Variants in CCDC192 observed in about 807,000 individuals in gnomAD.
CCDC192 encodes the protein coiled-coil domain-containing protein 192.
At chr5:127,706,525 GA>G (rs1224118510) in intron 1 of CCDC192, among the ~76,000 whole-genome samples, 1,049 of 60,256 alleles carry the variant, frequency 0.017, 9 homozygotes, top group African/African-American at 0.065. Flanking sequence ...CTCCATCTCA[GA>G]AAAAAAAAAA....
intron 5 of CCDC192, among the ~76,000 whole-genome samples, chr5:127,840,892 G>A (rs532374046): frequency 1.3e-5 from 2 of 152,310 alleles, no homozygotes; most frequent in South Asian, 4.1e-4. Flanking sequence ...TAAGTTTGAT[G>A]AATGTAAAAG....
At chr5:127,810,818 C>A (rs746055739) in intron 5 of CCDC192, among the ~76,000 whole-genome samples, 22 of 152,206 alleles carry the variant, frequency 1.4e-4, no homozygotes, top group Non-Finnish European at 2.9e-4. Context: ...GCAGAAAGTT[C>A]AGTTTCGGTC....
intron 6 of CCDC192, among the ~76,000 whole-genome samples, chr5:127,914,859 T>A (rs1753472431): frequency 6.6e-6 from 1 of 152,196 alleles, no homozygotes; most frequent in South Asian, 2.1e-4. Context: ...AGAAAGTTTA[T>A]GTAACTCTGC....
At chr5:127,794,103 T>TC (rs887400689) in intron 3 of CCDC192, among the ~76,000 whole-genome samples, 2 of 152,334 alleles carry the variant, frequency 1.3e-5, no homozygotes, top group Non-Finnish European at 2.9e-5. Flanking sequence ...CAAATCACTC[T>TC]CCAATTCTGT....
intron 3 of CCDC192, among the ~76,000 whole-genome samples, chr5:127,765,413 TA>T (rs1400072692): frequency 2.6e-5 from 4 of 152,220 alleles, no homozygotes; most frequent in Non-Finnish European, 5.9e-5. Context: ...TGTTAGGATA[TA>T]CTGAGTTTAT....
rs749852717 is a variant in CCDC192 at position 127,835,205 on chromosome 5, C to T, written c.411+37043C>T. On this transcript the variant is annotated intron_variant, in intron 5 of 6. Transcript: ENST00000514853. ...TCAAATTTTACAGGAAATTTACATT[C>T]TCAAATAAATGTTATATTTATTGAA... Among the ~76,000 whole-genome samples the T allele has an allele frequency of 9.4e-4, 143 of 152,086 alleles. 3 individuals are homozygous for T. Among genetic ancestry groups the T allele is most frequent in the Non-Finnish European group, 3.2e-4 (22 of 68,016 alleles).
At chr5:127,918,710 C>A (rs1030942493) in intron 6 of CCDC192, among the ~76,000 whole-genome samples, 4 of 152,258 alleles carry the variant, frequency 2.6e-5, no homozygotes, top group South Asian at 2.1e-4. Context: ...GAGGAGGGGG[C>A]AGTGAACAGC....
At chr5:127,789,771 G>A (rs766791682) in intron 3 of CCDC192, among the ~76,000 whole-genome samples, 1 of 152,230 alleles carries the variant, frequency 6.6e-6, no homozygotes, top group Non-Finnish European at 1.5e-5. Context: ...TGCTGTTCTA[G>A]AAGATGGGGG....
chr5:127,816,831 G>A (rs1288317041), intron 5 of CCDC192, among the ~76,000 whole-genome samples: 1 of 152,156 alleles, frequency 6.6e-6, no homozygotes, highest in African/African-American at 2.4e-5. Flanking sequence ...ATGGTTGGCA[G>A]GCAAAAAGAA....
intron 5 of CCDC192, among the ~76,000 whole-genome samples, chr5:127,842,177 G>A (rs1750320578): frequency 6.6e-6 from 1 of 152,188 alleles, no homozygotes; most frequent in Non-Finnish European, 1.5e-5. Context: ...CTGGTTTGAT[G>A]CTCTGCTATC....
chr5:127,730,612 A>G (rs1430898814), intron 2 of CCDC192, among the ~76,000 whole-genome samples: 2 of 152,180 alleles, frequency 1.3e-5, no homozygotes, highest in Non-Finnish European at 2.9e-5. Flanking sequence ...TGATGCAAAA[A>G]TCCTCAATAA....
At chr5:127,865,381 A>T (rs1045007171) in intron 5 of CCDC192, among the ~76,000 whole-genome samples, 2 of 152,082 alleles carry the variant, frequency 1.3e-5, no homozygotes, top group African/African-American at 4.8e-5. Flanking sequence ...AACTACTTCC[A>T]CAGAGCAGGA....
intron 2 of CCDC192, among the ~76,000 whole-genome samples, chr5:127,753,389 GAAA>G (rs1180376037): frequency 1.3e-5 from 2 of 152,098 alleles, no homozygotes; most frequent in African/African-American, 2.4e-5. Context: ...TTGTAGCTGA[GAAA>G]AAGTAACTTT....
chr5:127,790,096 G>A (rs1756780416), intron 3 of CCDC192, among the ~76,000 whole-genome samples: 1 of 152,160 alleles, frequency 6.6e-6, no homozygotes, highest in Non-Finnish European at 1.5e-5. Flanking sequence ...AAGCTGTGGG[G>A]GTGACATTTC....
At chr5:127,726,416 T>C (rs1580538412) in intron 2 of CCDC192, among the ~76,000 whole-genome samples, 1 of 152,202 alleles carries the variant, frequency 6.6e-6, no homozygotes, top group East Asian at 1.9e-4. Context: ...ATAGGACTTT[T>C]CCCAAGTTTT....
intron 6 of CCDC192, among the ~76,000 whole-genome samples, chr5:127,885,884 T>C (rs1056480053): frequency 6.6e-6 from 1 of 152,150 alleles, no homozygotes; most frequent in South Asian, 2.1e-4. Context: ...TGGACCAGAT[T>C]ACCCTACTAT....
intron 6 of CCDC192, among the ~76,000 whole-genome samples, chr5:127,933,234 A>T (rs765350900): frequency 2.0e-5 from 3 of 152,214 alleles, no homozygotes; most frequent in Non-Finnish European, 4.4e-5. Context: ...GGTCTGCATG[A>T]GACGAAAAGT....
chr5:127,830,928 A>G (rs765077742), intron 5 of CCDC192, among the ~76,000 whole-genome samples: 2 of 152,222 alleles, frequency 1.3e-5, no homozygotes, highest in South Asian at 2.1e-4. Context: ...TTGGCAACCT[A>G]TGGAAATCCT....
chr5:127,817,884 C>T (rs1749100270), intron 5 of CCDC192, among the ~76,000 whole-genome samples: 1 of 152,088 alleles, frequency 6.6e-6, no homozygotes. Context: ...GATCTCTGAA[C>T]CACGCTTTTA....
Sources: gnomAD v4.1 joint callset for allele counts (sites outside exome capture counted in the v4.1 genomes callset) on GRCh38, gnomAD v4.1.1 for gene constraint, MANE v1.5 for transcripts, NCBI Gene and HGNC (gene_info 2026-07-23, HGNC 2026-07-21) for gene names.